The following EPS15 variants were observed in gnomAD, a reference collection of about 807,000 sequenced individuals.
The protein encoded by EPS15 is epidermal growth factor receptor pathway substrate 15.
A neutral mutation model predicts 113.8 loss-of-function variants in EPS15; 72 were observed. The ratio of observed to expected loss-of-function variants is 0.63; its 90% CI spans 0.52 to 0.77. The LOEUF (loss-of-function observed/expected upper bound fraction) is 0.77, where lower values mean the gene tolerates loss of function less well. Ranked by LOEUF, EPS15 falls within the 30% of genes least tolerant of loss-of-function variation. The pLI, the probability that EPS15 is intolerant of heterozygous loss-of-function variation, is 0.00. For missense variants in EPS15, 1,048 were observed against 1,045.8 expected, an observed-to-expected ratio of 1.00 and a Z score of -0.03; for synonymous variants, 344 against 363.4, an observed-to-expected ratio of 0.95 and a Z score of 0.61.
intron 12 of EPS15, among the ~76,000 whole-genome samples, chr1:51,426,292 T>C (rs1651192886): frequency 6.6e-6 from 1 of 150,878 alleles, no homozygotes; most frequent in Non-Finnish European, 1.5e-5. Context: ...TGTCCAGAAA[T>C]TGGCTCCTGG....
At chr1:51,370,104 T>C (rs1646610199) in intron 21 of EPS15, among the ~76,000 whole-genome samples, 1 of 152,226 alleles carries the variant, frequency 6.6e-6, no homozygotes, top group African/African-American at 2.4e-5. Flanking sequence ...AGGCTACATA[T>C]ATGATGGTGG....
chr1:51,518,954 C>T (rs963404734), intron 1 of EPS15, among the ~76,000 whole-genome samples: 6 of 151,310 alleles, frequency 4.0e-5, no homozygotes, highest in Admixed American at 4.0e-4. Flanking sequence ...CGGCGAGGGC[C>T]GCGCGGGGCG....
At chr1:51,397,535 A>G (rs1396341206) in intron 20 of EPS15, among the ~76,000 whole-genome samples, 1 of 152,220 alleles carries the variant, frequency 6.6e-6, no homozygotes, top group East Asian at 1.9e-4. Context: ...GAGGAGAAGA[A>G]TTCCAGTAGC....
At chr1:51,448,598 CT>C (rs892826505) in intron 8 of EPS15, among the ~76,000 whole-genome samples, 2 of 152,192 alleles carry the variant, frequency 1.3e-5, no homozygotes, top group Admixed American at 6.5e-5. Context: ...CAGATGAAAA[CT>C]GTAAGTTAAA....
At chr1:51,446,820 A>G (rs1298778034) in intron 10 of EPS15, 140 bp downstream of exon 10, 15 of 687,462 alleles carry the variant, frequency 2.2e-5, no homozygotes, top group Non-Finnish European at 7.1e-6. Context: ...AGCCAGAAGA[A>G]TTCTTCAGAT....
chr1:51,469,572 A>C (rs1655095444), intron 4 of EPS15, among the ~76,000 whole-genome samples: 7 of 152,180 alleles, frequency 4.6e-5, no homozygotes, highest in Admixed American at 3.3e-4. Flanking sequence ...CAACCTGTCA[A>C]TACCCTAGTA....
At chr1:51,371,322 G>A (rs534234133) in intron 21 of EPS15, among the ~76,000 whole-genome samples, 3 of 152,130 alleles carry the variant, frequency 2.0e-5, no homozygotes, top group Admixed American at 6.6e-5. Flanking sequence ...CATTGTTATC[G>A]TAAGAGATGA....
intron 21 of EPS15, among the ~76,000 whole-genome samples, chr1:51,392,757 T>C (rs752628424): frequency 1.6e-4 from 25 of 152,206 alleles, no homozygotes; most frequent in Non-Finnish European, 2.9e-5. Context: ...CACTTTGATA[T>C]CATTAATGAT....
intron 12 of EPS15, among the ~76,000 whole-genome samples, chr1:51,439,214 T>G (rs1161014762): frequency 6.6e-6 from 1 of 152,122 alleles, no homozygotes; most frequent in Non-Finnish European, 1.5e-5. Context: ...CAAGGAATGC[T>G]TTAAGCCAGC....
At chr1:51,376,887 T>C (rs773715755) in intron 21 of EPS15, among the ~76,000 whole-genome samples, 3 of 152,208 alleles carry the variant, frequency 2.0e-5, no homozygotes, top group South Asian at 2.1e-4. Flanking sequence ...ATAGCTGCCA[T>C]AGACAGCCAT....
At chr1:51,396,046 G>A (rs1425702649) in intron 20 of EPS15, among the ~76,000 whole-genome samples, 1 of 152,076 alleles carries the variant, frequency 6.6e-6, no homozygotes, top group Non-Finnish European at 1.5e-5. Context: ...AAAACTACTA[G>A]CAGAAAGAAT....
At chr1:51,517,249 T>C (rs1644737045) in intron 1 of EPS15, among the ~76,000 whole-genome samples, 1 of 152,174 alleles carries the variant, frequency 6.6e-6, no homozygotes, top group African/African-American at 2.4e-5. Flanking sequence ...TCAATAAAAA[T>C]TAACCACCAA....
At chr1:51,489,721 T>C (rs1644197388) in intron 1 of EPS15, among the ~76,000 whole-genome samples, 1 of 152,046 alleles carries the variant, frequency 6.6e-6, no homozygotes, top group Non-Finnish European at 1.5e-5. Context: ...GTTCCAAGGG[T>C]GGGTTTGGCC....
At chr1:51,474,470 A>C (rs1655460013) in intron 2 of EPS15, among the ~76,000 whole-genome samples, 1 of 152,202 alleles carries the variant, frequency 6.6e-6, no homozygotes, top group Non-Finnish European at 1.5e-5. Flanking sequence ...TACTTCATAA[A>C]AGCAGACTTC....
At chr1:51,464,901 G>T (rs1266322332) in intron 6 of EPS15, among the ~76,000 whole-genome samples, 12 of 152,116 alleles carry the variant, frequency 7.9e-5, no homozygotes, top group Admixed American at 7.2e-4. Flanking sequence ...TTTCTAAAAA[G>T]ATTTCATAAA....
chr1:51,362,870 G>A (rs1057352267), intron 23 of EPS15, among the ~76,000 whole-genome samples: 1 of 152,038 alleles, frequency 6.6e-6, no homozygotes, highest in Non-Finnish European at 1.5e-5. Context: ...ACTACTCAAG[G>A]AATTATCCTT....
Position 51,363,066 on chromosome 1 carries a change from G to A in EPS15, c.2359+800C>T, listed in dbSNP as rs1243817423. 2.6e-5 allele frequency among the ~76,000 whole-genome samples: 4 copies of A among 152,154 alleles called. 1 individual carries two copies. The highest frequency in any genetic ancestry group is 3.8e-4 in the East Asian group (2 of 5,196). ...TAATCCCAGCACTTTGGGAGGCCGAGGTGGACAGATCACTTGAGGTCAGGA... is the reference window on the plus strand; with the variant it reads ...TAATCCCAGCACTTTGGGAGGCCGAAGTGGACAGATCACTTGAGGTCAGGA... On this transcript the variant is annotated intron_variant, in intron 23 of 24. Coordinates refer to ENST00000371733, the MANE Select transcript of EPS15 (RefSeq NM_001981.3).
At chr1:51,390,300 A>C (rs1039296851) in intron 21 of EPS15, among the ~76,000 whole-genome samples, 5 of 152,118 alleles carry the variant, frequency 3.3e-5, no homozygotes, top group African/African-American at 7.2e-5. Context: ...CTTACACCTT[A>C]TACAAAAATT....
chr1:51,459,401 G>A (rs948627458), intron 8 of EPS15, among the ~76,000 whole-genome samples: 1 of 152,148 alleles, frequency 6.6e-6, no homozygotes, highest in African/African-American at 2.4e-5. Context: ...TGAGGCTGAG[G>A]CGGGAGAATC....
Sources: allele counts gnomAD v4.1 joint callset (sites outside exome capture counted in the v4.1 genomes callset), GRCh38; gene constraint gnomAD v4.1.1; transcripts MANE v1.5; gene names NCBI Gene and HGNC (gene_info 2026-07-23, HGNC 2026-07-21).